The following EXOC6B variants were observed in gnomAD, a reference collection of about 807,000 sequenced individuals.
The protein encoded by EXOC6B is SEC15 homolog B.
EXOC6B carries 54 observed loss-of-function variants against 113.5 expected under a neutral mutation model. That is an observed-to-expected ratio of 0.48 (90% confidence interval 0.38 to 0.60). The LOEUF is 0.60. EXOC6B is among the 20% of genes least tolerant of loss of function. EXOC6B has a pLI of 0.00. For synonymous variants in EXOC6B, 357 were observed against 339.0 expected (o/e 1.05, Z -0.58); for missense variants, 797 against 977.5 (o/e 0.82, Z 2.46).
intron 7 of EXOC6B, among the ~76,000 whole-genome samples, chr2:72,564,581 G>T (rs1342900667): frequency 2.0e-5 from 3 of 152,142 alleles, no homozygotes; most frequent in African/African-American, 7.2e-5. Context: ...AATTTTGACA[G>T]CCCATATTAT....
At chr2:72,784,612 A>G (rs1684265435) in intron 1 of EXOC6B, among the ~76,000 whole-genome samples, 1 of 152,120 alleles carries the variant, frequency 6.6e-6, no homozygotes, top group South Asian at 2.1e-4. Flanking sequence ...CAAAAGCGGA[A>G]ACCCCTGATA....
chr2:72,551,562 T>G (rs1386986335), intron 8 of EXOC6B, among the ~76,000 whole-genome samples: 1 of 148,878 alleles, frequency 6.7e-6, no homozygotes, highest in South Asian at 2.1e-4. Context: ...TGGAGTGCAG[T>G]GGCGCGATCT....
At chr2:72,357,871 C>A (rs1031735088) in intron 19 of EXOC6B, among the ~76,000 whole-genome samples, 2 of 151,998 alleles carry the variant, frequency 1.3e-5, no homozygotes, top group African/African-American at 2.4e-5. Context: ...AGGTTTGTAG[C>A]CTGGGTATGT....
intron 8 of EXOC6B, among the ~76,000 whole-genome samples, chr2:72,529,443 T>A (rs374018857): frequency 9.2e-5 from 14 of 152,338 alleles, no homozygotes; most frequent in African/African-American, 2.6e-4. Context: ...ATATTAATTT[T>A]ACCTGGCTTT....
chr2:72,547,294 G>T (rs1483126698), intron 8 of EXOC6B, among the ~76,000 whole-genome samples: 1 of 152,170 alleles, frequency 6.6e-6, no homozygotes, highest in East Asian at 1.9e-4. Flanking sequence ...AATACTGGGG[G>T]ATTGCTAAAA....
chr2:72,195,008 T>C (rs892929992), intron 20 of EXOC6B, among the ~76,000 whole-genome samples: 2 of 152,172 alleles, frequency 1.3e-5, no homozygotes, highest in African/African-American at 4.8e-5. Context: ...GGAAGCTTCA[T>C]TAAGTTCTTT....
rs529695504 is a variant in EXOC6B at position 72,256,844 on chromosome 2, G to A, written c.2197-72657C>T. Among the ~76,000 whole-genome samples the A allele has an allele frequency of 3.3e-5, 5 of 152,322 alleles. No homozygotes were observed. In the East Asian group the frequency reaches 9.6e-4, roughly 29 times the overall value. On this transcript the variant is annotated intron_variant, in intron 20 of 21. Transcript: ENST00000272427. ...GTGCTAAATTTTATATTTGGGATTA[G>A]AGACATATTATCATAATTTCAGCAC...
At chr2:72,530,925 G>A (rs1375709465) in intron 8 of EXOC6B, among the ~76,000 whole-genome samples, 1 of 151,942 alleles carries the variant, frequency 6.6e-6, no homozygotes, top group Non-Finnish European at 1.5e-5. Context: ...TTTGCATGTT[G>A]TATTTTTCCC....
intron 19 of EXOC6B, among the ~76,000 whole-genome samples, chr2:72,375,334 A>G (rs1691289835): frequency 6.6e-6 from 1 of 152,170 alleles, no homozygotes; most frequent in Admixed American, 6.6e-5. Context: ...TCTATAGGCT[A>G]CTCCACACAG....
chr2:72,673,149 G>T (rs1048103413), intron 6 of EXOC6B, among the ~76,000 whole-genome samples: 14 of 152,056 alleles, frequency 9.2e-5, no homozygotes, highest in African/African-American at 2.7e-4. Context: ...TCCTCCAGTG[G>T]TTTCCTTCTC....
At chr2:72,275,951 C>T (rs912569865) in intron 20 of EXOC6B, among the ~76,000 whole-genome samples, 1 of 152,110 alleles carries the variant, frequency 6.6e-6, no homozygotes, top group South Asian at 2.1e-4. Flanking sequence ...ATATTTGTAA[C>T]AGGTTGCCCA....
Position 72,631,848 on chromosome 2 carries a change from AG to A in EXOC6B, c.670-56181del, listed in dbSNP as rs371701168. Among the ~76,000 whole-genome samples the A allele has an allele frequency of 1.4e-4, 22 of 152,246 alleles. 2 individuals carry two copies. The highest frequency in any genetic ancestry group is 4.6e-4 in the African/African-American group (19 of 41,542). On this transcript the variant is annotated intron_variant, in intron 6 of 21. Transcript: ENST00000272427. ...GCTTAGCTGACACCAAACCTGTAAA[AG>A]AAAATGCACAAACACATGTACTTTG...
intron 18 of EXOC6B, among the ~76,000 whole-genome samples, chr2:72,394,350 C>T (rs1400582): frequency 0.072 from 10,968 of 152,076 alleles, 491 homozygotes; most frequent in Non-Finnish European, 0.11. Context: ...TCAAGGAGAA[C>T]AGACAATTAA....
At chr2:72,435,169 T>C (rs189108165) in intron 18 of EXOC6B, among the ~76,000 whole-genome samples, 2 of 152,332 alleles carry the variant, frequency 1.3e-5, no homozygotes, top group Admixed American at 1.3e-4. Flanking sequence ...ATTTACCCAG[T>C]AGTCTTTCAG....
At chr2:72,501,294 G>C (rs1226115688) in intron 11 of EXOC6B, among the ~76,000 whole-genome samples, 2 of 152,066 alleles carry the variant, frequency 1.3e-5, no homozygotes, top group African/African-American at 2.4e-5. Flanking sequence ...TCATATGGGA[G>C]CTAGTTGTTT....
intron 20 of EXOC6B, among the ~76,000 whole-genome samples, chr2:72,187,338 C>T (rs1678505512): frequency 1.3e-5 from 2 of 151,986 alleles, no homozygotes; most frequent in Non-Finnish European, 2.9e-5. Flanking sequence ...GGGCATATTT[C>T]AGCCATGTTT....
chr2:72,741,265 C>A, intron 2 of EXOC6B, 39 bp downstream of exon 2: 2 of 1,584,942 alleles, frequency 1.3e-6, no homozygotes, highest in Non-Finnish European at 1.7e-6. Context: ...AAAACCCCAA[C>A]ACAGGACGGA....
At chr2:72,639,869 G>A (rs969126558) in intron 6 of EXOC6B, among the ~76,000 whole-genome samples, 1 of 152,104 alleles carries the variant, frequency 6.6e-6, no homozygotes, top group Non-Finnish European at 1.5e-5. Flanking sequence ...CTATCCAAAG[G>A]TCAGCAAGCT....
At chr2:72,710,034 A>T (rs1212732234) in intron 6 of EXOC6B, among the ~76,000 whole-genome samples, 1 of 152,146 alleles carries the variant, frequency 6.6e-6, no homozygotes, top group Non-Finnish European at 1.5e-5. Flanking sequence ...AAGAAAATGG[A>T]GTTGTGAACA....
Sources: gnomAD v4.1 joint callset for allele counts (sites outside exome capture counted in the v4.1 genomes callset) on GRCh38, gnomAD v4.1.1 for gene constraint, MANE v1.5 for transcripts, NCBI Gene and HGNC (gene_info 2026-07-23, HGNC 2026-07-21) for gene names.